The following HHIPL1 variants were observed in gnomAD, a reference collection of about 807,000 sequenced individuals.
The protein encoded by HHIPL1 is HHIP like 1, also known as HHIP-like protein 1.
In HHIPL1, 43 loss-of-function variants were observed where a neutral mutation model predicts 61.8. The observed-to-expected ratio is 0.70, with a 90% confidence interval of 0.55 to 0.90. The LOEUF (loss-of-function observed/expected upper bound fraction) is 0.90, where lower values mean the gene tolerates loss of function less well. HHIPL1 is among the 40% of genes least tolerant of loss of function. The pLI, the probability that HHIPL1 is intolerant of heterozygous loss-of-function variation, is 0.00. For missense variants in HHIPL1, 1,056 were observed against 1,157.7 expected (o/e 0.91, Z 1.28); for synonymous variants, 482 against 515.8 (o/e 0.93, Z 0.89).
the HHIPL1 span, among the ~76,000 whole-genome samples, chr14:99,618,540 G>T: frequency 6.6e-6 from 1 of 152,210 alleles, no homozygotes; most frequent in East Asian, 1.9e-4. Context: ...GTAGCCTGAT[G>T]TCCCTAAAGT....
rs1026339690 is a variant in HHIPL1 at position 99,679,414 on chromosome 14, C to T, written c.*3788C>T. On this transcript the variant is annotated 3_prime_UTR_variant, in exon 9 of 9. Transcript: ENST00000330710. ...TAGTCAATAGCCAGGATCAGATTCT[C>T]AGAGAGGGGCTGCCCTGCCCAGTGC... The T allele has an allele frequency of 1.3e-5, 2 of 152,488 alleles. No individual in the cohort carries two copies. The highest frequency in any genetic ancestry group is 2.9e-5 in the Non-Finnish European group (2 of 68,232). The allele number at this position is 152,488 out of a possible 1,614,324, so 9.4% of individuals were successfully genotyped here.
chr14:99,615,516 C>T, the HHIPL1 span, among the ~76,000 whole-genome samples: 1 of 151,130 alleles, frequency 6.6e-6, no homozygotes, highest in African/African-American at 2.4e-5. Flanking sequence ...TGCACTCCAG[C>T]TTGGGTGGCA....
At chr14:99,615,280 G>T in the HHIPL1 span, among the ~76,000 whole-genome samples, 1 of 152,164 alleles carries the variant, frequency 6.6e-6, no homozygotes, top group Non-Finnish European at 1.5e-5. Flanking sequence ...AGGCACAGTG[G>T]CTCACGCCTG....
chr14:99,607,986 A>G, the HHIPL1 span, among the ~76,000 whole-genome samples: 3 of 152,280 alleles, frequency 2.0e-5, no homozygotes, highest in Non-Finnish European at 2.9e-5. Context: ...AGAACACATC[A>G]TTGTGGGAGC....
the HHIPL1 span, among the ~76,000 whole-genome samples, chr14:99,613,445 C>A: frequency 1.3e-5 from 2 of 151,838 alleles, no homozygotes; most frequent in Non-Finnish European, 2.9e-5. Context: ...CACACCTCGA[C>A]CTCCTGAATA....
intron 7 of HHIPL1, among the ~76,000 whole-genome samples, chr14:99,670,965 A>G (rs1293977901): frequency 6.6e-6 from 1 of 152,068 alleles, no homozygotes; most frequent in Non-Finnish European, 1.5e-5. Flanking sequence ...GGTTTTTCCA[A>G]TCCCGTTTCC....
At chr14:99,639,104 C>G in the HHIPL1 span, among the ~76,000 whole-genome samples, 1 of 152,236 alleles carries the variant, frequency 6.6e-6, no homozygotes, top group Non-Finnish European at 1.5e-5. Context: ...CCTGGGAGCT[C>G]AACAGCCGGG....
In HHIPL1 at chr14:99,660,500, C is replaced by A; in HGVS notation, c.1502+94C>A. On this transcript the variant is annotated intron_variant, in intron 5 of 8. Transcript: ENST00000330710. The surrounding 1 kb of genome is among the most constrained non-coding windows in gnomAD (Gnocchi z 4.9). ...AGGGGAGTGTATGTGTGCGCCCGTT[C>A]CTGCACATGTGCCTCGCTGCTCTGA... The A allele has an allele frequency of 1.4e-6, 2 of 1,436,180 alleles. No individual in the cohort carries two copies. The highest frequency in any genetic ancestry group is 1.9e-6 in the Non-Finnish European group (2 of 1,051,196). 89.0% of individuals were successfully genotyped at this position (1,436,180 alleles called of 1,614,324 possible). A position where few individuals can be genotyped will look rare whatever the true frequency, so the allele number is the denominator to read the frequency against.
chr14:99,665,109 T>C (rs1310735913), intron 6 of HHIPL1, among the ~76,000 whole-genome samples: 1 of 152,016 alleles, frequency 6.6e-6, no homozygotes, highest in Admixed American at 6.6e-5. Flanking sequence ...TTTTTTTTAG[T>C]AGAGATGGGG....
At chr14:99,672,067 A>G (rs116984801) in intron 7 of HHIPL1, among the ~76,000 whole-genome samples, 1 of 152,236 alleles carries the variant, frequency 6.6e-6, no homozygotes, top group Non-Finnish European at 1.5e-5. Context: ...GTAAGCCTCC[A>G]GCCCTGGTGC....
the HHIPL1 span, among the ~76,000 whole-genome samples, chr14:99,609,937 T>C: frequency 2.0e-5 from 3 of 152,150 alleles, no homozygotes; most frequent in Non-Finnish European, 4.4e-5. Flanking sequence ...TAGAAAGCAC[T>C]CAACAGGAGG....
At chr14:99,661,446 G>GAAGGAAGGAAGGAAGGAAGA (rs1423700169) in intron 5 of HHIPL1, among the ~76,000 whole-genome samples, 2 of 151,696 alleles carry the variant, frequency 1.3e-5, no homozygotes, top group African/African-American at 4.8e-5. Flanking sequence ...AGGAAGGAAG[G>GAAGGAAGGAAGGAAGGAAGA]AAGGAGTACA....
chr14:99,670,394 G>A (rs2056314769), intron 7 of HHIPL1, among the ~76,000 whole-genome samples: 2 of 152,132 alleles, frequency 1.3e-5, no homozygotes, highest in African/African-American at 2.4e-5. Flanking sequence ...TTACGGGTGT[G>A]AGCCCCCACG....
chr14:99,631,977 G>C, the HHIPL1 span, among the ~76,000 whole-genome samples: 54 of 152,344 alleles, frequency 3.5e-4, no homozygotes, highest in African/African-American at 1.3e-3. Flanking sequence ...ATTCCCTTGG[G>C]ATGGGGGCCT....
intron 7 of HHIPL1, among the ~76,000 whole-genome samples, chr14:99,670,727 G>C (rs2056318372): frequency 6.6e-6 from 1 of 152,068 alleles, no homozygotes; most frequent in South Asian, 2.1e-4. Flanking sequence ...ACGCAGACTT[G>C]GTTCTTTTTC....
intron 5 of HHIPL1, among the ~76,000 whole-genome samples, chr14:99,661,370 T>A (rs2056148038): frequency 7.1e-6 from 1 of 140,394 alleles, no homozygotes; most frequent in Non-Finnish European, 1.5e-5. Flanking sequence ...TCACTTAGAA[T>A]CTAGTGTGGA....
intron 1 of HHIPL1, among the ~76,000 whole-genome samples, chr14:99,647,797 G>T (rs1173519021): frequency 6.6e-6 from 1 of 152,166 alleles, no homozygotes; most frequent in Non-Finnish European, 1.5e-5. Flanking sequence ...AGGCACTCAG[G>T]CCTTCACACC....
the HHIPL1 span, among the ~76,000 whole-genome samples, chr14:99,621,859 G>T: frequency 6.6e-6 from 1 of 151,722 alleles, no homozygotes; most frequent in African/African-American, 2.4e-5. Context: ...GGGACCACAG[G>T]TACGTGCCAC....
At chr14:99,647,045 A>T (rs4900440) in intron 1 of HHIPL1, among the ~76,000 whole-genome samples, 27,940 of 152,044 alleles carry the variant, frequency 0.18, 2,998 homozygotes, top group Non-Finnish European at 0.24. Context: ...TGGAGCCCGA[A>T]TCAAGGAAGA....
Sources: gnomAD v4.1 joint callset for allele counts (sites outside exome capture counted in the v4.1 genomes callset) on GRCh38, gnomAD v4.1.1 for gene constraint, Gnocchi (gnomAD v3.1) non-coding constraint, MANE v1.5 for transcripts, NCBI Gene and HGNC (gene_info 2026-07-23, HGNC 2026-07-21) for gene names.